The following MGMT variants were observed in gnomAD, a reference collection of about 807,000 sequenced individuals.
MGMT encodes the protein O-6-methylguanine-DNA methyltransferase.
In MGMT, 14 loss-of-function variants were observed where a neutral mutation model predicts 15.9. The ratio of observed to expected loss-of-function variants is 0.88; its 90% CI spans 0.58 to 1.37. The LOEUF (loss-of-function observed/expected upper bound fraction) is 1.37, where lower values mean the gene tolerates loss of function less well. Ranked by LOEUF, MGMT falls within the 40% of genes most tolerant of loss-of-function variation. The pLI, the probability that MGMT is intolerant of heterozygous loss-of-function variation, is 0.00. For synonymous variants in MGMT, 130 were observed against 118.2 expected (o/e 1.10, Z -0.65); for missense variants, 282 against 268.1 (o/e 1.05, Z -0.36).
chr10:129,671,841 G>A (rs182081341), intron 2 of MGMT, among the ~76,000 whole-genome samples: 12 of 152,204 alleles, frequency 7.9e-5, no homozygotes, highest in African/African-American at 2.4e-4. Flanking sequence ...ATGTAGAACT[G>A]TGTGTTCACC....
At chr10:129,558,851 TTC>T (rs1846245237) in intron 2 of MGMT, among the ~76,000 whole-genome samples, 1 of 152,218 alleles carries the variant, frequency 6.6e-6, no homozygotes, top group Non-Finnish European at 1.5e-5. Flanking sequence ...TCCTTTTACT[TTC>T]TGTTATTTTC....
At chr10:129,699,984 T>C (rs1356657645) in intron 2 of MGMT, among the ~76,000 whole-genome samples, 1 of 152,232 alleles carries the variant, frequency 6.6e-6, no homozygotes, top group African/African-American at 2.4e-5. Context: ...ATACCTGTCA[T>C]TGTTTGTTAC....
intron 1 of MGMT, among the ~76,000 whole-genome samples, chr10:129,535,594 C>G (rs976611657): frequency 4.6e-5 from 7 of 152,204 alleles, no homozygotes; most frequent in African/African-American, 1.2e-4. Context: ...TTCAAGTGAT[C>G]TTCCTGTCTC....
At chr10:129,655,431 C>T (rs748771225) in intron 2 of MGMT, among the ~76,000 whole-genome samples, 26 of 152,192 alleles carry the variant, frequency 1.7e-4, no homozygotes, top group Non-Finnish European at 2.5e-4. Context: ...TTTTCCAAGG[C>T]GCTGACCCTG....
chr10:129,487,912 G>GGTGTGTGTGT (rs145304551), intron 1 of MGMT, among the ~76,000 whole-genome samples: 1 of 137,606 alleles, frequency 7.3e-6, no homozygotes, highest in Non-Finnish European at 1.5e-5. Flanking sequence ...ACCATATAGG[G>GGTGTGTGTGT]GTGTGTGTGT....
At chr10:129,479,123 A>G (rs1286352048) in intron 1 of MGMT, among the ~76,000 whole-genome samples, 9 of 152,222 alleles carry the variant, frequency 5.9e-5, no homozygotes, top group African/African-American at 2.2e-4. Context: ...TCTGAAGTGT[A>G]TGATTAGTTT....
At chr10:129,671,738 C>G (rs1847726112) in intron 2 of MGMT, among the ~76,000 whole-genome samples, 1 of 152,212 alleles carries the variant, frequency 6.6e-6, no homozygotes, top group Non-Finnish European at 1.5e-5. Flanking sequence ...AGTATCATCT[C>G]ATTCAACAAA....
At chr10:129,567,595 A>G (rs1846371361) in intron 2 of MGMT, among the ~76,000 whole-genome samples, 1 of 152,140 alleles carries the variant, frequency 6.6e-6, no homozygotes, top group Non-Finnish European at 1.5e-5. Context: ...TTCAAGGGGA[A>G]AAAAAACCTC....
At chr10:129,568,308 C>A (rs1846378327) in intron 2 of MGMT, among the ~76,000 whole-genome samples, 1 of 152,198 alleles carries the variant, frequency 6.6e-6, no homozygotes, top group African/African-American at 2.4e-5. Flanking sequence ...AGCAGGTTTA[C>A]AGCTCAGGAC....
At chr10:129,741,514 A>T (rs892430685) in intron 3 of MGMT, among the ~76,000 whole-genome samples, 1 of 152,102 alleles carries the variant, frequency 6.6e-6, no homozygotes, top group Non-Finnish European at 1.5e-5. Context: ...AACCTGACCC[A>T]TGGTGGAGGT....
chr10:129,599,670 C>T (rs941123777), intron 2 of MGMT, among the ~76,000 whole-genome samples: 6 of 152,212 alleles, frequency 3.9e-5, no homozygotes, highest in African/African-American at 1.2e-4. Context: ...TATGCTTGTA[C>T]ATGCTTTCAC....
chr10:129,647,391 A>C (rs1847409916), intron 2 of MGMT, among the ~76,000 whole-genome samples: 1 of 152,202 alleles, frequency 6.6e-6, no homozygotes, highest in Admixed American at 6.5e-5. Flanking sequence ...CAGGATCCCC[A>C]GGTGGCGTGT....
chr10:129,743,059 G>A (rs1848654750), intron 3 of MGMT, among the ~76,000 whole-genome samples: 1 of 152,210 alleles, frequency 6.6e-6, no homozygotes. Context: ...CCTAATCACT[G>A]TCTTCCCTAA....
intron 3 of MGMT, among the ~76,000 whole-genome samples, chr10:129,713,216 C>G (rs1848253245): frequency 6.6e-6 from 1 of 152,144 alleles, no homozygotes; most frequent in South Asian, 2.1e-4. Context: ...TAAACGAGGG[C>G]TCATAAATAT....
intron 2 of MGMT, among the ~76,000 whole-genome samples, chr10:129,646,907 G>A (rs1847402011): frequency 6.6e-6 from 1 of 151,028 alleles, no homozygotes; most frequent in African/African-American, 2.4e-5. Context: ...TGGTGAGTGT[G>A]GGCATGGCCG....
intron 2 of MGMT, among the ~76,000 whole-genome samples, chr10:129,610,463 C>A (rs1320841458): frequency 6.6e-6 from 1 of 152,216 alleles, no homozygotes; most frequent in Non-Finnish European, 1.5e-5. Context: ...AACACTTGAG[C>A]CCCCACCCTG....
At chr10:129,589,655 C>A (rs1415232614) in intron 2 of MGMT, among the ~76,000 whole-genome samples, 2 of 152,224 alleles carry the variant, frequency 1.3e-5, no homozygotes, top group East Asian at 3.9e-4. Context: ...AATAGTGACC[C>A]CCTATGGCCT....
chr10:129,655,291 G>A (rs1246462856), intron 2 of MGMT, among the ~76,000 whole-genome samples: 3 of 152,218 alleles, frequency 2.0e-5, no homozygotes, highest in Non-Finnish European at 4.4e-5. Flanking sequence ...GGCCTGGTGT[G>A]GAGGGGCCGC....
In MGMT at chr10:129,769,475, C is replaced by G. The variant is rs1443329957; in HGVS notation, c.*2478C>G. 1 of 152,198 alleles carries G rather than the reference C, an allele frequency of 6.6e-6. No individual in the cohort carries two copies. Among genetic ancestry groups the G allele is most frequent in the Non-Finnish European group, 1.5e-5 (1 of 68,058 alleles). The allele number at this position is 152,198 out of a possible 1,614,324, so 9.4% of individuals were successfully genotyped here. On this transcript the variant is annotated 3_prime_UTR_variant, in exon 5 of 5. Transcript: ENST00000651593. ...TTCAGCCTTGGCCCTGGGTCCCCCT[C>G]ACCCTGTCGCATTTCCCAGCACTGT...
Sources: gnomAD v4.1 joint callset for allele counts (sites outside exome capture counted in the v4.1 genomes callset) on GRCh38, gnomAD v4.1.1 for gene constraint, MANE v1.5 for transcripts, NCBI Gene and HGNC (gene_info 2026-07-23, HGNC 2026-07-21) for gene names.